Variants in RBFOX1 observed in about 807,000 individuals in gnomAD.
The protein encoded by RBFOX1 is RNA binding protein fox-1 homolog 1.
Under a neutral mutation model 57.7 loss-of-function variants are expected in RBFOX1, and 8 were observed. The ratio of observed to expected loss-of-function variants is 0.14; its 90% CI spans 0.08 to 0.25. The LOEUF (loss-of-function observed/expected upper bound fraction) is 0.25, where lower values mean the gene tolerates loss of function less well. Among genes scored for constraint, RBFOX1 ranks in the 10% least tolerant of loss-of-function variants. RBFOX1 has a pLI of 1.00. For synonymous variants in RBFOX1, 326 were observed against 222.4 expected (o/e 1.47, Z -4.15); for missense variants, 611 against 548.5 (o/e 1.11, Z -1.14).
intron 3 of RBFOX1, chr16:5,610,803 G>C (rs920418121): frequency 1.3e-5 from 2 of 152,222 alleles, no homozygotes; most frequent in Admixed American, 6.5e-5. Context: ...AGGAGATTGA[G>C]GCTGCAGTAA....
At chr16:7,379,578 T>G (rs892842876) in intron 4 of RBFOX1, among the ~76,000 whole-genome samples, 5 of 152,214 alleles carry the variant, frequency 3.3e-5, no homozygotes, top group African/African-American at 7.2e-5. Context: ...TAAATATATA[T>G]AGACAATAAA....
intron 3 of RBFOX1, among the ~76,000 whole-genome samples, chr16:5,811,249 T>G (rs2055419300): frequency 7.1e-6 from 1 of 139,978 alleles, no homozygotes; most frequent in South Asian, 2.4e-4. Flanking sequence ...TTCTTCCACC[T>G]CAGCCTCCCA....
chr16:5,583,018 A>T (rs192379290), intron 2 of RBFOX1, among the ~76,000 whole-genome samples: 1 of 152,284 alleles, frequency 6.6e-6, no homozygotes, highest in African/African-American at 2.4e-5. Flanking sequence ...CCTCTTTTTA[A>T]CAGATAAGGA....
intron 4 of RBFOX1, among the ~76,000 whole-genome samples, chr16:5,999,149 C>G (rs570545027): frequency 1.1e-4 from 17 of 152,212 alleles, no homozygotes; most frequent in Admixed American, 3.9e-4. Flanking sequence ...ACAGTCCTCT[C>G]TGTCTTCACT....
intron 2 of RBFOX1, among the ~76,000 whole-genome samples, chr16:6,526,391 A>T (rs17140501): frequency 0.047 from 7,229 of 152,280 alleles, 432 homozygotes; most frequent in African/African-American, 0.13. Context: ...GTCTGAGTCG[A>T]ATCATCAATC....
chr16:6,966,765 ATCTATCTATCTATCTATCTATCTATCTG>A (rs1225699083), intron 3 of RBFOX1, among the ~76,000 whole-genome samples: 1 of 22,040 alleles, frequency 4.5e-5, no homozygotes, highest in African/African-American at 1.2e-4. Flanking sequence ...CTGTCTGTCT[ATCTATCTATCTATCTATCTATCTATCTG>A]TCTGTCTGTC....
At chr16:6,870,335 C>T (rs1284986109) in intron 3 of RBFOX1, among the ~76,000 whole-genome samples, 1 of 152,102 alleles carries the variant, frequency 6.6e-6, no homozygotes, top group Non-Finnish European at 1.5e-5. Flanking sequence ...TGCTAGGAAA[C>T]AGAAATCTGA....
chr16:6,037,583 T>G (rs1002805610), intron 1 of RBFOX1: 4 of 151,978 alleles, frequency 2.6e-5, no homozygotes, highest in Non-Finnish European at 5.9e-5. Flanking sequence ...TTCTTTTTTT[T>G]GTTTTGTTTT....
intron 2 of RBFOX1, among the ~76,000 whole-genome samples, chr16:6,591,577 A>C (rs750886285): frequency 6.6e-5 from 10 of 152,322 alleles, no homozygotes; most frequent in Admixed American, 2.0e-4. Flanking sequence ...CCATTTATGC[A>C]CTGGGAGTGA....
chr16:5,819,788 T>G (rs1282333277), intron 3 of RBFOX1, among the ~76,000 whole-genome samples: 1 of 152,208 alleles, frequency 6.6e-6, no homozygotes, highest in Non-Finnish European at 1.5e-5. Context: ...TATTGAGCAC[T>G]TTCTTTACAT....
At chr16:5,292,859 G>A (rs1315476100) in intron 1 of RBFOX1, among the ~76,000 whole-genome samples, 2 of 151,988 alleles carry the variant, frequency 1.3e-5, no homozygotes, top group Admixed American at 6.5e-5. Flanking sequence ...TCCTGACCTC[G>A]TGGTCCATCC....
chr16:5,975,311 C>T (rs2060039650), intron 4 of RBFOX1, among the ~76,000 whole-genome samples: 1 of 152,166 alleles, frequency 6.6e-6, no homozygotes, highest in African/African-American at 2.4e-5. Context: ...AGCAATACAT[C>T]ACCCAAGCTC....
At chr16:6,347,817 G>A (rs770153619) in intron 2 of RBFOX1, among the ~76,000 whole-genome samples, 27 of 152,176 alleles carry the variant, frequency 1.8e-4, no homozygotes, top group Non-Finnish European at 3.4e-4. Flanking sequence ...TAACTAAACA[G>A]CAGTTGTTTG....
At chr16:5,587,108 A>G (rs775378972) in intron 2 of RBFOX1, among the ~76,000 whole-genome samples, 15 of 152,284 alleles carry the variant, frequency 9.9e-5, no homozygotes, top group Non-Finnish European at 1.8e-4. Flanking sequence ...TGCACCTGAA[A>G]CTGACATGAC....
chr16:5,669,822 C>A (rs1454375791), intron 3 of RBFOX1, among the ~76,000 whole-genome samples: 1 of 152,112 alleles, frequency 6.6e-6, no homozygotes, highest in East Asian at 1.9e-4. Context: ...TAAACAATTG[C>A]CATAGGGCCC....
At chr16:7,681,805 AG>A (rs2074832435) in intron 14 of RBFOX1, among the ~76,000 whole-genome samples, 1 of 152,114 alleles carries the variant, frequency 6.6e-6, no homozygotes, top group African/African-American at 2.4e-5. Flanking sequence ...AAGCAGACAA[AG>A]GGGGCACTTG....
chr16:6,509,818 C>T (rs1002076492), intron 2 of RBFOX1, among the ~76,000 whole-genome samples: 16 of 152,080 alleles, frequency 1.1e-4, no homozygotes, highest in African/African-American at 3.1e-4. Flanking sequence ...ATACACTTAC[C>T]ATGTTCTCCC....
chr16:6,839,305 C>T (rs184253919), intron 3 of RBFOX1, among the ~76,000 whole-genome samples: 3 of 152,214 alleles, frequency 2.0e-5, no homozygotes, highest in African/African-American at 2.4e-5. Context: ...AACATAGCTG[C>T]CTCAGTCTGA....
chr16:6,389,192 A>G (rs1294870901), intron 2 of RBFOX1, among the ~76,000 whole-genome samples: 1 of 152,172 alleles, frequency 6.6e-6, no homozygotes, highest in African/African-American at 2.4e-5. Flanking sequence ...ATTCAGAGGG[A>G]GAATTTCTTT....
Sources: gnomAD v4.1 joint callset for allele counts (sites outside exome capture counted in the v4.1 genomes callset) on GRCh38, gnomAD v4.1.1 for gene constraint, MANE v1.5 for transcripts, NCBI Gene and HGNC (gene_info 2026-07-23, HGNC 2026-07-21) for gene names.